The following CACNA1H variants were observed in gnomAD, a reference collection of about 807,000 sequenced individuals.
CACNA1H encodes calcium voltage-gated channel subunit alpha1 H.
A neutral mutation model predicts 192.5 loss-of-function variants in CACNA1H; 149 were observed. The ratio of observed to expected loss-of-function variants is 0.77; its 90% CI spans 0.68 to 0.89. The LOEUF (loss-of-function observed/expected upper bound fraction) is 0.89, where lower values mean the gene tolerates loss of function less well. CACNA1H is among the 40% of genes least tolerant of loss of function. The pLI is 0.00. For synonymous variants in CACNA1H, 2,202 were observed against 1,475.2 expected (o/e 1.49, Z -11.29); for missense variants, 4,257 against 3,423.5 (o/e 1.24, Z -6.08).
In CACNA1H at chr16:1,220,077, G is replaced by A. The variant is rs756418923; in HGVS notation, c.6145G>A (p.Val2049Met). The change falls in exon 35 of 35, where the codon GTG becomes ATG. Residue 2049 changes from valine (V) to methionine (M), a missense_variant. Transcript: ENST00000348261. ...TGGTGAGAAAACCCCGGTGAGGCCGGTGACCCAGGGGGGCTCCCTGCAGTC... is the reference window on the plus strand; with the variant it reads ...TGGTGAGAAAACCCCGGTGAGGCCGATGACCCAGGGGGGCTCCCTGCAGTC... ...EPGEKTPVRP[V>M]TQGGSLQSPP... 4.8e-6 allele frequency: 7 copies of A among 1,446,758 alleles called. No homozygotes were observed. Among genetic ancestry groups the A allele is most frequent in the Middle Eastern group, 3.7e-4 (2 of 5,460 alleles). 89.6% of individuals were successfully genotyped at this position (1,446,758 alleles called of 1,614,324 possible).
At chr16:1,195,752 T>C (rs1966888827) in intron 4 of CACNA1H, among the ~76,000 whole-genome samples, 174 bp from the exon 5 acceptor site, 2 of 152,158 alleles carry the variant, frequency 1.3e-5, no homozygotes, top group Non-Finnish European at 2.9e-5. Context: ...GGTGGCCTCC[T>C]GATGTGACCA....
Position 1,153,451 on chromosome 16 carries a change from C to T in CACNA1H, c.-38C>T. ...CGCCCGGGCGATGCCCGCGGGGACG[C>T]CGCCGGCCAGCAGAGCGAGGTGAGA... On this transcript the variant is annotated 5_prime_UTR_variant, in exon 1 of 35. Transcript: ENST00000348261. The T allele has an allele frequency of 5.9e-6, 1 of 168,410 alleles. No homozygotes were observed. Among genetic ancestry groups the T allele is most frequent in the South Asian group, 1.8e-4 (1 of 5,626 alleles). The allele number at this position is 168,410 out of a possible 1,614,324, so 10.4% of individuals were successfully genotyped here.
At chr16:1,165,617 C>T (rs1282829588) in intron 2 of CACNA1H, among the ~76,000 whole-genome samples, 5 of 152,164 alleles carry the variant, frequency 3.3e-5, no homozygotes, top group Non-Finnish European at 7.4e-5. Context: ...AGGCACCCTC[C>T]CTTTTCCCCG....
intron 31 of CACNA1H, among the ~76,000 whole-genome samples, chr16:1,217,318 G>C (rs1051494851): frequency 2.4e-4 from 37 of 152,230 alleles, no homozygotes; most frequent in South Asian, 1.2e-3. Context: ...TGCACACACA[G>C]ACATCTGGAA....
In CACNA1H at chr16:1,211,809, C is replaced by T. The variant is rs199968897; in HGVS notation, c.4566+4C>T. On this transcript the variant is annotated splice_donor_region_variant and intron_variant, in intron 24 of 34. Transcript: ENST00000348261. ...TGCCGTGGGTGTCGACCAGCAGGTG[C>T]GCACAGGCGGGTCGAGCTGGGTCAC... The T allele has an allele frequency of 2.2e-5, 35 of 1,612,344 alleles. No homozygotes were observed. Among genetic ancestry groups the T allele is most frequent in the Middle Eastern group, 1.6e-4 (1 of 6,062 alleles).
Position 1,213,920 on chromosome 16 carries a change from A to G in CACNA1H, c.4918A>G (p.Asn1640Asp), listed in dbSNP as rs1217478571. 4.3e-6 allele frequency: 7 copies of G among 1,610,734 alleles called. No homozygotes were observed. The highest frequency in any genetic ancestry group is 5.9e-6 in the Non-Finnish European group (7 of 1,179,096). ...NVITMSMEHYNQPKSLDEALK... is the reference protein window; with the variant it reads ...NVITMSMEHYDQPKSLDEALK... Reference sequence around the variant, plus strand: ...CATCACCATGTCCATGGAGCACTATAACCAACCCAAGGTGGGTGCGAGGGG... The same window carrying G: ...CATCACCATGTCCATGGAGCACTATGACCAACCCAAGGTGGGTGCGAGGGG... Residue 1640 changes from asparagine to aspartate, a missense_variant, in exon 27 of 35, where the codon AAC becomes GAC. Asn to Asp is a conservative substitution (Grantham distance 23). Transcript: ENST00000348261.
rs768826048 is a variant in CACNA1H at position 1,220,458 on chromosome 16, G to C, written c.6526G>C (p.Glu2176Gln). The change falls in exon 35 of 35, where the codon GAG (glutamate) becomes CAG (glutamine). Residue 2176 changes from glutamate to glutamine, a missense_variant. Glu to Gln is a conservative substitution (Grantham distance 29). Coordinates refer to ENST00000348261, the MANE Select transcript of CACNA1H (RefSeq NM_021098.3). ...GEAKAWGPEA[E>Q]PALGARRKKK... The stretch of plus-strand genomic sequence containing the variant: ...GGCGAAGGCCTGGGGCCCTGAGGCC[G>C]AGCCCGCTCTGGGTGCGCGCAGAAA... 3.2e-6 allele frequency: 5 copies of C among 1,543,690 alleles called. No homozygotes were observed. Among genetic ancestry groups the C allele is most frequent in the Non-Finnish European group, 4.3e-6 (5 of 1,153,846 alleles).
At chr16:1,189,018 G>A (rs1036465877) in intron 2 of CACNA1H, among the ~76,000 whole-genome samples, 3 of 150,446 alleles carry the variant, frequency 2.0e-5, no homozygotes, top group African/African-American at 5.0e-5. Context: ...GGGCTTCTGT[G>A]GACCTTGGTG....
rs954781275 is a variant in CACNA1H, at chr16:1,189,382, G to T, written c.300-5590G>T. On this transcript the variant is annotated intron_variant, in intron 2 of 34. Coordinates refer to ENST00000348261, the MANE Select transcript of CACNA1H (RefSeq NM_021098.3). ...CCAGGCTGTGCTGGACCTGGCAGGTGCCCTGAAGAGTGTCCTTTTTTTTTT... is the reference window on the plus strand; with the variant it reads ...CCAGGCTGTGCTGGACCTGGCAGGTTCCCTGAAGAGTGTCCTTTTTTTTTT... 5.0e-5 allele frequency among the ~76,000 whole-genome samples: 7 copies of T among 139,094 alleles called. No individual in the cohort carries two copies. The South Asian group carries it at 1.6e-3, about 32-fold the overall frequency. 91.3% of individuals were successfully genotyped at this position (139,094 alleles called of 152,430 possible).
chr16:1,217,601 T>G (rs1970133806), intron 31 of CACNA1H, among the ~76,000 whole-genome samples: 1 of 152,126 alleles, frequency 6.6e-6, no homozygotes, highest in African/African-American at 2.4e-5. Flanking sequence ...CAGGTAAGCT[T>G]GATTTTGGTC....
At chr16:1,194,023 T>C (rs1271589886) in intron 2 of CACNA1H, among the ~76,000 whole-genome samples, 2 of 151,916 alleles carry the variant, frequency 1.3e-5, no homozygotes, top group Admixed American at 6.6e-5. Flanking sequence ...GGGGCGCTGC[T>C]GCCACCATCA....
At chr16:1,208,843 C>G (rs892768097) in intron 16 of CACNA1H, among the ~76,000 whole-genome samples, 189 bp from the exon 17 acceptor site, 9 of 152,220 alleles carry the variant, frequency 5.9e-5, no homozygotes, top group African/African-American at 2.2e-4. Context: ...GGCGGACACC[C>G]TGACCCTCAT....
At chr16:1,217,156 C>T in intron 31 of CACNA1H, 146 bp downstream of exon 31, 1 of 684,248 alleles carries the variant, frequency 1.5e-6, no homozygotes, top group Non-Finnish European at 2.4e-6. Flanking sequence ...TCACCCGGCC[C>T]TGCTTCCGGA....
At chr16:1,197,294 C>G (rs946974290) in intron 5 of CACNA1H, among the ~76,000 whole-genome samples, 5 of 152,216 alleles carry the variant, frequency 3.3e-5, no homozygotes, top group African/African-American at 7.2e-5. Context: ...GGTGAGGGGA[C>G]GCGTGTGTGG....
At chr16:1,163,389 G>A (rs1025738021) in intron 2 of CACNA1H, among the ~76,000 whole-genome samples, 13 of 152,246 alleles carry the variant, frequency 8.5e-5, no homozygotes, top group Admixed American at 2.6e-4. Flanking sequence ...CCCGGGAGGG[G>A]GTGCTGGTCT....
rs760891230 is a variant in CACNA1H, at chr16:1,210,625, A to G, written c.4012A>G (p.Ile1338Val). 1.9e-6 allele frequency: 3 copies of G among 1,606,254 alleles called. No individual in the cohort carries two copies. Among genetic ancestry groups the G allele is most frequent in the Non-Finnish European group, 2.5e-6 (3 of 1,179,790 alleles). The change falls in exon 20 of 35, where the codon ATC becomes GTC. Residue 1338 changes from isoleucine to valine, a missense_variant. By Grantham distance (29) the Ile-to-Val change is conservative. Coordinates refer to ENST00000348261, the MANE Select transcript of CACNA1H (RefSeq NM_021098.3). Reference protein sequence around the residue: ...LSVSNYIFTAIFVAEMMVKVV... With the variant: ...LSVSNYIFTAVFVAEMMVKVV... ...CGTCTCCAATTACATCTTCACGGCCATCTTCGTGGCGGAGATGATGGTGAA... is the reference window on the plus strand; with the variant it reads ...CGTCTCCAATTACATCTTCACGGCCGTCTTCGTGGCGGAGATGATGGTGAA...
chr16:1,194,028 C>T (rs1230017284), intron 2 of CACNA1H, among the ~76,000 whole-genome samples: 4 of 152,080 alleles, frequency 2.6e-5, no homozygotes, highest in Non-Finnish European at 4.4e-5. Flanking sequence ...GCTGCTGCCA[C>T]CATCATCCGG....
intron 26 of CACNA1H, 133 bp from the exon 27 acceptor site, chr16:1,213,647 C>T (rs1487496453): frequency 1.7e-6 from 1 of 598,276 alleles, no homozygotes; most frequent in Admixed American, 3.2e-5. Context: ...CAGGGCCAGC[C>T]CCATCTTCAC....
rs2141304525 is a variant in CACNA1H at position 1,206,993 on chromosome 16, A to C, written c.2790-8A>C. ...CCACCCTCAACACGCCCCTGCCCCCACCCTCAGCATCCTGGGCATGCACCT... is the reference window on the plus strand; with the variant it reads ...CCACCCTCAACACGCCCCTGCCCCCCCCCTCAGCATCCTGGGCATGCACCT... On this transcript the variant is annotated splice_region_variant and splice_polypyrimidine_tract_variant and intron_variant, in intron 12 of 34. Transcript: ENST00000348261. The C allele has an allele frequency of 1.5e-6, 2 of 1,347,852 alleles. No individual in the cohort carries two copies. Among genetic ancestry groups the C allele is most frequent in the Non-Finnish European group, 2.0e-6 (2 of 1,019,234 alleles). The allele number at this position is 1,347,852 out of a possible 1,614,324, so 83.5% of individuals were successfully genotyped here.
Sources: allele counts gnomAD v4.1 joint callset (sites outside exome capture counted in the v4.1 genomes callset), GRCh38; gene constraint gnomAD v4.1.1; transcripts MANE v1.5; gene names NCBI Gene and HGNC (gene_info 2026-07-23, HGNC 2026-07-21).